Variants in C1orf21 observed in about 807,000 individuals in gnomAD.
C1orf21 encodes the protein chromosome 1 open reading frame 21.
C1orf21 carries 3 observed loss-of-function variants against 18.7 expected under a neutral mutation model. The observed-to-expected ratio is 0.16, with a 90% CI of 0.07 to 0.42. The LOEUF is 0.42. C1orf21 is among the 10% of genes least tolerant of loss of function. The pLI, the probability that C1orf21 is intolerant of heterozygous loss-of-function variation, is 0.99. For missense variants in C1orf21, 104 were observed against 143.6 expected (o/e 0.72, Z 1.41); for synonymous variants, 41 against 46.4 (o/e 0.88, Z 0.47).
intron 1 of C1orf21, among the ~76,000 whole-genome samples, chr1:184,391,397 T>C (rs1052296312): frequency 1.3e-5 from 2 of 152,230 alleles, no homozygotes; most frequent in African/African-American, 2.4e-5. Flanking sequence ...AGAAGACTAA[T>C]TGGCCAAGCT....
At chr1:184,426,448 C>T (rs1459939520) in intron 1 of C1orf21, among the ~76,000 whole-genome samples, 1 of 152,132 alleles carries the variant, frequency 6.6e-6, no homozygotes, top group Non-Finnish European at 1.5e-5. Flanking sequence ...AGAGGAGGAA[C>T]CCTGAGCGAG....
At chr1:184,562,616 A>G (rs1658983400) in intron 3 of C1orf21, among the ~76,000 whole-genome samples, 1 of 152,258 alleles carries the variant, frequency 6.6e-6, no homozygotes, top group Admixed American at 6.5e-5. Flanking sequence ...ATATCTTGGT[A>G]AATTGTCATT....
In C1orf21 at chr1:184,622,543, G is replaced by A. The variant is rs1243374603; in HGVS notation, c.*2987G>A. 1 of 152,700 alleles carries A rather than the reference G, an allele frequency of 6.5e-6. No individual in the cohort carries two copies. Among genetic ancestry groups the A allele is most frequent in the African/African-American group, 2.4e-5 (1 of 41,462 alleles). 9.5% of individuals were successfully genotyped at this position (152,700 alleles called of 1,614,324 possible). On this transcript the variant is annotated 3_prime_UTR_variant, in exon 6 of 6. Transcript: ENST00000235307. ...TTATTGGCAGAGAACCTTAAAAAAG[G>A]CCTTTACCTCAGCGATGCTTCCTAG...
intron 3 of C1orf21, among the ~76,000 whole-genome samples, chr1:184,553,843 A>G (rs1320104354): frequency 1.3e-5 from 2 of 152,234 alleles, no homozygotes; most frequent in Non-Finnish European, 2.9e-5. Flanking sequence ...GGAGGAGAGG[A>G]ACAAGGTCAT....
At chr1:184,496,903 G>T (rs745906814) in intron 2 of C1orf21, among the ~76,000 whole-genome samples, 11 of 152,122 alleles carry the variant, frequency 7.2e-5, no homozygotes, top group Non-Finnish European at 1.0e-4. Flanking sequence ...TGAGAAAGCA[G>T]CATATAACAT....
At chr1:184,580,492 T>A (rs1459655784) in intron 3 of C1orf21, among the ~76,000 whole-genome samples, 1 of 152,252 alleles carries the variant, frequency 6.6e-6, no homozygotes, top group Non-Finnish European at 1.5e-5. Context: ...TCATTGGTCC[T>A]CCTCAAATAG....
intron 3 of C1orf21, among the ~76,000 whole-genome samples, chr1:184,560,767 C>G (rs1400255475): frequency 6.6e-6 from 1 of 152,198 alleles, no homozygotes; most frequent in African/African-American, 2.4e-5. Flanking sequence ...CTTACCACCT[C>G]TAAAAGGTAT....
chr1:184,570,901 T>C (rs1659098864), intron 3 of C1orf21, among the ~76,000 whole-genome samples: 1 of 152,222 alleles, frequency 6.6e-6, no homozygotes, highest in African/African-American at 2.4e-5. Flanking sequence ...CTGTTGCTCC[T>C]AGGCTACAAA....
At chr1:184,586,538 C>T (rs1366013952) in intron 3 of C1orf21, among the ~76,000 whole-genome samples, 5 of 152,154 alleles carry the variant, frequency 3.3e-5, no homozygotes, top group Non-Finnish European at 7.3e-5. Context: ...CCGCCTCGGC[C>T]TCCCAAAGTG....
chr1:184,459,561 T>C (rs1190793987), intron 1 of C1orf21, among the ~76,000 whole-genome samples: 1 of 152,212 alleles, frequency 6.6e-6, no homozygotes, highest in East Asian at 1.9e-4. Flanking sequence ...CTGAGAATTG[T>C]TATGGCCAGT....
At chr1:184,473,786 C>T (rs1657529005) in intron 1 of C1orf21, among the ~76,000 whole-genome samples, 1 of 152,164 alleles carries the variant, frequency 6.6e-6, no homozygotes, top group African/African-American at 2.4e-5. Context: ...TCTTGTCATC[C>T]TGTATTTAAG....
chr1:184,468,383 T>C (rs1657438851), intron 1 of C1orf21, among the ~76,000 whole-genome samples: 1 of 152,146 alleles, frequency 6.6e-6, no homozygotes, highest in African/African-American at 2.4e-5. Flanking sequence ...TGGATAATTT[T>C]ATTTATTTTA....
At chr1:184,588,456 A>G (rs1220066386) in intron 3 of C1orf21, among the ~76,000 whole-genome samples, 1 of 152,154 alleles carries the variant, frequency 6.6e-6, no homozygotes, top group East Asian at 1.9e-4. Flanking sequence ...AGTTTGAGAA[A>G]TGCTGAGCTA....
chr1:184,410,617 T>TCATA (rs1491211140), intron 1 of C1orf21, among the ~76,000 whole-genome samples: 1 of 21,156 alleles, frequency 4.7e-5, no homozygotes. Flanking sequence ...GCCATATATA[T>TCATA]TATATATATA....
At chr1:184,535,046 A>G (rs1658529819) in intron 3 of C1orf21, among the ~76,000 whole-genome samples, 1 of 150,012 alleles carries the variant, frequency 6.7e-6, no homozygotes, top group African/African-American at 2.4e-5. Context: ...CGAGGCAACA[A>G]GGAGCTCTTG....
At chr1:184,415,760 T>C (rs1185564052) in intron 1 of C1orf21, among the ~76,000 whole-genome samples, 2 of 152,200 alleles carry the variant, frequency 1.3e-5, no homozygotes, top group Admixed American at 6.5e-5. Flanking sequence ...GGCCTACTTA[T>C]GGCAAATTGA....
chr1:184,510,161 CTTA>C (rs1658123020), intron 3 of C1orf21, among the ~76,000 whole-genome samples: 2 of 152,294 alleles, frequency 1.3e-5, no homozygotes, highest in South Asian at 4.1e-4. Context: ...TAAATGAATA[CTTA>C]TTATGTATTT....
intron 1 of C1orf21, among the ~76,000 whole-genome samples, chr1:184,472,081 A>G (rs1021768318): frequency 6.6e-6 from 1 of 152,118 alleles, no homozygotes; most frequent in African/African-American, 2.4e-5. Context: ...CTGTATTAAC[A>G]CTCATTACAG....
chr1:184,427,674 T>G (rs1557969633), intron 1 of C1orf21, among the ~76,000 whole-genome samples: 2 of 152,196 alleles, frequency 1.3e-5, no homozygotes, highest in African/African-American at 4.8e-5. Context: ...GAAACTCCAC[T>G]TCCTGATCTA....
Sources: gnomAD v4.1 joint callset for allele counts (sites outside exome capture counted in the v4.1 genomes callset) on GRCh38, gnomAD v4.1.1 for gene constraint, MANE v1.5 for transcripts, NCBI Gene and HGNC (gene_info 2026-07-23, HGNC 2026-07-21) for gene names.